Variants in ABCC2 observed in about 807,000 individuals in gnomAD.
ABCC2 encodes the protein ATP binding cassette subfamily C member 2, also known as ATP-binding cassette sub-family C member 2.
A neutral mutation model predicts 173.4 loss-of-function variants in ABCC2; 157 were observed. The observed-to-expected ratio is 0.91, with a 90% confidence interval of 0.80 to 1.03. The LOEUF is 1.03. Among genes scored for constraint, ABCC2 ranks in the 50% least tolerant of loss-of-function variants. The pLI is 0.00. For missense variants in ABCC2, 1,822 were observed against 1,852.3 expected (o/e 0.98, Z 0.30); for synonymous variants, 657 against 693.5 (o/e 0.95, Z 0.83).
At chr10:99,795,801 A>AAGAAAGAAAGAAAGATAGATAGAG (rs58906337) in intron 6 of ABCC2, among the ~76,000 whole-genome samples, 1 of 102,288 alleles carries the variant, frequency 9.8e-6, no homozygotes, top group African/African-American at 3.7e-5. Context: ...GAAAGAAAGA[A>AAGAAAGAAAGAAAGATAGATAGAG]AGATTTCTAA....
At chr10:99,832,638 A>G (rs1694032957) in intron 23 of ABCC2, among the ~76,000 whole-genome samples, 1 of 152,234 alleles carries the variant, frequency 6.6e-6, no homozygotes, top group Non-Finnish European at 1.5e-5. Context: ...AAGAGATAGT[A>G]GGATAACCCT....
At chr10:99,814,213 G>GTGTATGTATACACACA (rs2038289512) in intron 16 of ABCC2, among the ~76,000 whole-genome samples, 1 of 54,628 alleles carries the variant, frequency 1.8e-5, no homozygotes, top group Admixed American at 1.8e-4. Flanking sequence ...ATACACACAT[G>GTGTATGTATACACACA]TGTATATATA....
At position 99,851,856 on chromosome 10, in the gene ABCC2, C is replaced by A. The variant is rs1160257895; in HGVS notation, c.*225C>A. On this transcript the variant is annotated 3_prime_UTR_variant, in exon 32 of 32. Coordinates refer to ENST00000647814, the MANE Select transcript of ABCC2 (RefSeq NM_000392.5). Reference sequence around the variant, plus strand: ...TCGATCGTACTTCCTTGCTACCCACCCCTCCCAGGGACAACCACTGTCCTG... The same window carrying A: ...TCGATCGTACTTCCTTGCTACCCACACCTCCCAGGGACAACCACTGTCCTG... 5.8e-5 allele frequency: 26 copies of A among 447,646 alleles called. No homozygotes were observed. The highest frequency in any genetic ancestry group is 7.8e-6 in the Non-Finnish European group (2 of 255,710). The allele number at this position is 447,646 out of a possible 1,614,324, so 27.7% of individuals were successfully genotyped here.
chr10:99,828,149 A>G (rs1296385860), intron 19 of ABCC2, among the ~76,000 whole-genome samples: 1 of 150,978 alleles, frequency 6.6e-6, no homozygotes, highest in Non-Finnish European at 1.5e-5. Context: ...CCTGGATCTG[A>G]GTTTCTGGAT....
intron 23 of ABCC2, among the ~76,000 whole-genome samples, chr10:99,833,539 A>G (rs531480813): frequency 2.6e-5 from 4 of 152,152 alleles, no homozygotes; most frequent in Non-Finnish European, 4.4e-5. Context: ...TGGAGGAAGG[A>G]AAGATGGAGA....
rs368319762 is a variant in ABCC2, at chr10:99,847,843, G to A, written c.4313+716G>A. Among the ~76,000 whole-genome samples the A allele has an allele frequency of 4.7e-4, 70 of 149,714 alleles. 1 individual carries two copies. The East Asian group carries it at 0.011, about 24-fold the overall frequency. On this transcript the variant is annotated intron_variant, in intron 30 of 31. Transcript: ENST00000647814. ...CTGAGGCAGAGAATTGCTTGAACCC[G>A]GGAGGCGGAGGTTGTAGTGAGCTGA... is the stretch of plus-strand genomic sequence containing the variant.
At chr10:99,783,510 A>G (rs921870288) in intron 1 of ABCC2, among the ~76,000 whole-genome samples, 5 of 152,228 alleles carry the variant, frequency 3.3e-5, no homozygotes, top group Non-Finnish European at 7.3e-5. Context: ...CTAGTGGAAT[A>G]GAAAACAAAA....
In ABCC2 at chr10:99,845,715, T is replaced by G. The variant is rs780758213; in HGVS notation, c.4079T>G (p.Ile1360Ser). 1 of 1,614,016 alleles carries G rather than the reference T, an allele frequency of 6.2e-7. No homozygotes were observed. Among genetic ancestry groups the G allele is most frequent in the South Asian group, 1.1e-5 (1 of 91,066 alleles). Residue 1360 changes from isoleucine to serine, a missense_variant, in exon 29 of 32, where the codon ATT becomes AGT. Ile to Ser is a moderately radical substitution (Grantham distance 142). Transcript: ENST00000647814. ...GAGGCTGCCGGTGGTCAGATTATCA[T>G]TGATGGAGTAGATATTGCTTCCATT... ...ILEAAGGQII[I>S]DGVDIASIGL...
At position 99,836,304 on chromosome 10, in the gene ABCC2, T is replaced by G; in HGVS notation, c.3614+14T>G. 6.2e-7 allele frequency: 1 copy of G among 1,613,978 alleles called. No homozygotes were observed. Among genetic ancestry groups the G allele is most frequent in the East Asian group, 2.2e-5 (1 of 44,892 alleles). Reference sequence around the variant, plus strand: ...CACCTCCAACAGGTGAGGCTTCCCCTGGGTATTTACCCATGTGTGTACTTT... The same window carrying G: ...CACCTCCAACAGGTGAGGCTTCCCCGGGGTATTTACCCATGTGTGTACTTT... On this transcript the variant is annotated intron_variant, in intron 25 of 31. Coordinates refer to ENST00000647814, the MANE Select transcript of ABCC2 (RefSeq NM_000392.5).
At chr10:99,805,341 T>C (rs1182630012) in intron 10 of ABCC2, 41 bp from the exon 11 acceptor site, 6 of 1,580,174 alleles carry the variant, frequency 3.8e-6, no homozygotes, top group East Asian at 2.2e-5. Flanking sequence ...CCCTCTCTCA[T>C]GGAAGCGTAT....
Position 99,830,333 on chromosome 10 carries a change from G to A in ABCC2, c.2647G>A (p.Asp883Asn), listed in dbSNP as rs911797034. ...TVHDGSEEED[D>N]DYGLISSVEE... is the part of the protein sequence containing the mutation. ...CCATGATGGCAGTGAAGAAGAAGAC[G>A]ATGACTATGGGCTGATATCCAGTGT... The change falls in exon 20 of 32, where the codon GAT becomes AAT. Residue 883 changes from aspartate (D) to asparagine (N), a missense_variant. Transcript: ENST00000647814. The A allele has an allele frequency of 6.8e-6, 11 of 1,614,142 alleles. No individual in the cohort carries two copies. Among genetic ancestry groups the A allele is most frequent in the African/African-American group, 1.3e-5 (1 of 75,034 alleles).
intron 28 of ABCC2, among the ~76,000 whole-genome samples, chr10:99,845,115 T>G (rs979313039): frequency 6.6e-6 from 1 of 152,158 alleles, no homozygotes; most frequent in Non-Finnish European, 1.5e-5. Context: ...CTGCAACCTC[T>G]GCTTCCTGGG....
Position 99,831,601 on chromosome 10 carries a change from G to A in ABCC2, c.2884-10G>A, listed in dbSNP as rs2038738806. The A allele has an allele frequency of 1.2e-6, 2 of 1,612,408 alleles. No individual in the cohort carries two copies. The highest frequency in any genetic ancestry group is 2.2e-5 in the South Asian group (2 of 91,052). Reference sequence around the variant, plus strand: ...GGAGTTCTACTAATATTGAGGTGGGGACTTTGCAGGTGAAGTTCTCCATCT... The same window carrying A: ...GGAGTTCTACTAATATTGAGGTGGGAACTTTGCAGGTGAAGTTCTCCATCT... On this transcript the variant is annotated splice_polypyrimidine_tract_variant and intron_variant, in intron 21 of 31. Coordinates refer to ENST00000647814, the MANE Select transcript of ABCC2 (RefSeq NM_000392.5).
In ABCC2 at chr10:99,793,574, C is replaced by T. The variant is rs1329074450; in HGVS notation, c.357C>T (p.Tyr119=). The change falls in exon 4 of 32, where the codon TAC becomes TAT. Residue 119 remains tyrosine, a synonymous_variant. Transcript: ENST00000647814. The part of the protein sequence containing the change: ...GTWLLVLLIQ[Y]SRQWCVQKNS... ...AGCTCCTGGTTTTGCTGATCCAATACAGCAGACAATGGTGTGTACAGAAAA... is the reference window on the plus strand; with the variant it reads ...AGCTCCTGGTTTTGCTGATCCAATATAGCAGACAATGGTGTGTACAGAAAA... The T allele has an allele frequency of 1.2e-6, 2 of 1,614,138 alleles. No individual in the cohort carries two copies. The highest frequency in any genetic ancestry group is 3.3e-5 in the Admixed American group (2 of 60,008).
At chr10:99,788,209 A>AT (rs147745032) in intron 2 of ABCC2, among the ~76,000 whole-genome samples, 1 of 152,046 alleles carries the variant, frequency 6.6e-6, no homozygotes, top group Non-Finnish European at 1.5e-5. Context: ...ACGTACATAT[A>AT]TTTTTTCACA....
At chr10:99,790,694 T>C (rs2037797493) in intron 2 of ABCC2, among the ~76,000 whole-genome samples, 1 of 152,172 alleles carries the variant, frequency 6.6e-6, no homozygotes, top group African/African-American at 2.4e-5. Flanking sequence ...CATAGTCTCT[T>C]GTGAGGAAAA....
At chr10:99,801,094 C>T (rs1309365386) in intron 9 of ABCC2, among the ~76,000 whole-genome samples, 1 of 152,196 alleles carries the variant, frequency 6.6e-6, no homozygotes, top group Non-Finnish European at 1.5e-5. Context: ...ACCTAAACCT[C>T]CTCTGTCTGA....
intron 25 of ABCC2, among the ~76,000 whole-genome samples, chr10:99,837,416 C>T (rs1469208084): frequency 6.1e-5 from 2 of 32,784 alleles, no homozygotes; most frequent in African/African-American, 2.7e-4. Flanking sequence ...GGATTACAGT[C>T]GTGAGCCACC....
chr10:99,845,504 C>A, intron 28 of ABCC2, 120 bp from the exon 29 acceptor site: 1 of 1,303,512 alleles, frequency 7.7e-7, no homozygotes, highest in Non-Finnish European at 1.1e-6. Flanking sequence ...AGTTTAATAT[C>A]TTAGAGATGG....
Sources: allele counts gnomAD v4.1 joint callset (sites outside exome capture counted in the v4.1 genomes callset), GRCh38; gene constraint gnomAD v4.1.1; transcripts MANE v1.5; gene names NCBI Gene and HGNC (gene_info 2026-07-23, HGNC 2026-07-21).